The following MAGI2 variants were observed in gnomAD, a reference collection of about 807,000 sequenced individuals.
The protein encoded by MAGI2 is membrane associated guanylate kinase, WW and PDZ domain containing 2.
A neutral mutation model predicts 133.3 loss-of-function variants in MAGI2; 35 were observed. That is an observed-to-expected ratio of 0.26 (90% confidence interval 0.20 to 0.35). The LOEUF is 0.35. Among genes scored for constraint, MAGI2 ranks in the 10% least tolerant of loss-of-function variants. The pLI is 1.00. For missense variants in MAGI2, 1,636 were observed against 1,863.4 expected, an observed-to-expected ratio of 0.88 and a Z score of 2.25; for synonymous variants, 729 against 710.6, an observed-to-expected ratio of 1.03 and a Z score of -0.41.
intron 2 of MAGI2, among the ~76,000 whole-genome samples, chr7:78,631,039 C>T (rs1347913241): frequency 1.3e-5 from 2 of 152,002 alleles, no homozygotes; most frequent in Admixed American, 1.3e-4. Flanking sequence ...TGGCTGAGCA[C>T]ATCTGTTGGA....
intron 1 of MAGI2, among the ~76,000 whole-genome samples, chr7:79,100,499 A>G (rs1311887594): frequency 1.3e-5 from 2 of 151,414 alleles, no homozygotes; most frequent in African/African-American, 2.4e-5. Flanking sequence ...ATATAAATAT[A>G]ATTTTCTTAG....
At chr7:79,370,313 G>A (rs924198227) in intron 1 of MAGI2, among the ~76,000 whole-genome samples, 5 of 151,918 alleles carry the variant, frequency 3.3e-5, no homozygotes, top group Non-Finnish European at 5.9e-5. Flanking sequence ...TACTGTATTA[G>A]ATAATCTTAT....
chr7:79,097,396 C>T (rs1259930058), intron 1 of MAGI2, among the ~76,000 whole-genome samples: 1 of 152,140 alleles, frequency 6.6e-6, no homozygotes, highest in Non-Finnish European at 1.5e-5. Flanking sequence ...CTGAAACCAA[C>T]AGAGCTGGTG....
In MAGI2 at chr7:78,619,305, C is replaced by T. The variant is rs528352917; in HGVS notation, c.538+7815G>A. On this transcript the variant is annotated intron_variant, in intron 3 of 21. Transcript: ENST00000354212. ...CTGTGAACATCACAGTTTCAGAACC[C>T]TAGGTTTTACCTAATAATATTATGG... Among the ~76,000 whole-genome samples the T allele has an allele frequency of 1.2e-4, 18 of 151,768 alleles. No individual in the cohort carries two copies. In the South Asian group the frequency reaches 3.1e-3, roughly 26 times the overall value.
intron 1 of MAGI2, among the ~76,000 whole-genome samples, chr7:79,227,774 T>C (rs1222911023): frequency 6.6e-6 from 1 of 152,214 alleles, no homozygotes; most frequent in Admixed American, 6.5e-5. Flanking sequence ...AAAAGTTGAA[T>C]TGTTAACTGG....
At chr7:78,241,826 C>T (rs184187093) in intron 10 of MAGI2, among the ~76,000 whole-genome samples, 195 of 151,598 alleles carry the variant, frequency 1.3e-3, no homozygotes, top group African/African-American at 4.1e-3. Flanking sequence ...CCCAGCTTCT[C>T]GGGAGGCTGA....
chr7:78,287,324 G>GGGAAATGAATAGCTAAACATACTA (rs376271565), intron 9 of MAGI2, among the ~76,000 whole-genome samples: 1 of 152,156 alleles, frequency 6.6e-6, no homozygotes, highest in Non-Finnish European at 1.5e-5. Context: ...GTTCTAGCTT[G>GGGAAATGAATAGCTAAACATACTA]GGAAATGAAT....
At chr7:79,389,542 C>T (rs1214087962) in intron 1 of MAGI2, among the ~76,000 whole-genome samples, 1 of 151,926 alleles carries the variant, frequency 6.6e-6, no homozygotes, top group African/African-American at 2.4e-5. Context: ...TTAAATAATG[C>T]CTATGTAAAT....
intron 1 of MAGI2, among the ~76,000 whole-genome samples, chr7:79,342,993 A>G (rs1006989936): frequency 4.0e-5 from 6 of 151,896 alleles, no homozygotes; most frequent in Non-Finnish European, 8.8e-5. Context: ...CGAACTCCTG[A>G]CCTCAGGTGA....
At chr7:78,725,365 T>A (rs1336743077) in intron 2 of MAGI2, among the ~76,000 whole-genome samples, 3 of 152,138 alleles carry the variant, frequency 2.0e-5, no homozygotes, top group Non-Finnish European at 4.4e-5. Context: ...ACAAATCAGG[T>A]TTATATGTTG....
intron 6 of MAGI2, among the ~76,000 whole-genome samples, chr7:78,385,163 G>A (rs1447622105): frequency 6.6e-6 from 1 of 152,142 alleles, no homozygotes; most frequent in Admixed American, 6.5e-5. Flanking sequence ...GAAAAAGGAA[G>A]TAATCCACAG....
At chr7:79,405,925 A>C (rs977921128) in intron 1 of MAGI2, among the ~76,000 whole-genome samples, 10 of 98,684 alleles carry the variant, frequency 1.0e-4, no homozygotes, top group East Asian at 7.0e-4. Flanking sequence ...ACAACACAAA[A>C]AAAAAAAAAA....
intron 2 of MAGI2, among the ~76,000 whole-genome samples, chr7:78,802,793 A>G (rs1788184757): frequency 1.3e-5 from 2 of 152,094 alleles, no homozygotes; most frequent in African/African-American, 4.8e-5. Context: ...CATCAATTGT[A>G]ACAAATGTGT....
chr7:78,168,744 A>G (rs1366388327), intron 14 of MAGI2, among the ~76,000 whole-genome samples: 1 of 152,238 alleles, frequency 6.6e-6, no homozygotes, highest in Non-Finnish European at 1.5e-5. Flanking sequence ...TTAACGAGGG[A>G]TCAAAAAGAC....
At chr7:79,219,262 T>C (rs553226543) in intron 1 of MAGI2, among the ~76,000 whole-genome samples, 1 of 152,066 alleles carries the variant, frequency 6.6e-6, no homozygotes, top group South Asian at 2.1e-4. Context: ...TTTCATGTGA[T>C]CAAAAAGACC....
intron 6 of MAGI2, among the ~76,000 whole-genome samples, chr7:78,401,382 G>T (rs920498806): frequency 1.2e-4 from 19 of 152,078 alleles, no homozygotes; most frequent in African/African-American, 4.6e-4. Flanking sequence ...CATTTCTTTG[G>T]TAATGGCTTG....
intron 1 of MAGI2, among the ~76,000 whole-genome samples, chr7:79,029,439 A>G (rs1810350680): frequency 6.6e-6 from 1 of 152,106 alleles, no homozygotes; most frequent in African/African-American, 2.4e-5. Flanking sequence ...AGACCCCCCC[A>G]AACCCAACCT....
intron 2 of MAGI2, among the ~76,000 whole-genome samples, chr7:78,630,395 C>T (rs1808838617): frequency 1.4e-5 from 2 of 145,510 alleles, no homozygotes; most frequent in South Asian, 2.2e-4. Flanking sequence ...ATGTGGTGTA[C>T]TGACTTTTTG....
chr7:78,184,664 A>G (rs1827513247), intron 13 of MAGI2: 1 of 152,212 alleles, frequency 6.6e-6, no homozygotes, highest in African/African-American at 2.4e-5. Context: ...AAGAGCAAAA[A>G]AAAATTAAAT....
Sources: gnomAD v4.1 joint callset for allele counts (sites outside exome capture counted in the v4.1 genomes callset) on GRCh38, gnomAD v4.1.1 for gene constraint, MANE v1.5 for transcripts, NCBI Gene and HGNC (gene_info 2026-07-23, HGNC 2026-07-21) for gene names.